The following SCAF8 variants were observed in gnomAD, a reference collection of about 807,000 sequenced individuals.
The protein encoded by SCAF8 is SR-related CTD associated factor 8, also known as SR-related and CTD-associated factor 8.
A neutral mutation model predicts 140.5 loss-of-function variants in SCAF8; 23 were observed. The ratio of observed to expected loss-of-function variants is 0.16; its 90% CI spans 0.12 to 0.23. SCAF8 has a LOEUF of 0.23. Among genes scored for constraint, SCAF8 ranks in the 10% least tolerant of loss-of-function variants. The pLI is 1.00. For synonymous variants in SCAF8, 575 were observed against 528.9 expected (o/e 1.09, Z -1.20); for missense variants, 1,397 against 1,555.7 (o/e 0.90, Z 1.72).
chr6:154,788,043 T>G (rs576103461), intron 4 of SCAF8, 21 bp downstream of exon 4: 203 of 1,579,472 alleles, frequency 1.3e-4, no homozygotes, highest in Admixed American at 2.6e-4. Context: ...GGTTTTTTTT[T>G]TTTGTTTTTT....
intron 2 of SCAF8, among the ~76,000 whole-genome samples, chr6:154,777,776 C>A (rs1196793249): frequency 6.6e-6 from 1 of 152,164 alleles, no homozygotes; most frequent in African/African-American, 2.4e-5. Context: ...AGGTAATGCA[C>A]TTTGGACATG....
In SCAF8 at chr6:154,733,427, C is replaced by A. The variant is rs1200292696; in HGVS notation, c.-474C>A. On this transcript the variant is annotated 5_prime_UTR_variant, in exon 1 of 20. Coordinates refer to ENST00000367178, the MANE Select transcript of SCAF8 (RefSeq NM_014892.5). ...GACTCGAGTCCGCCATATTGGATGC[C>A]GCAGCCGCTGCTGCCAGCGCTTCCT... 3 of 1,403,034 alleles carry A rather than the reference C, an allele frequency of 2.1e-6. No homozygotes were observed. Among genetic ancestry groups the A allele is most frequent in the Non-Finnish European group, 1.9e-6 (2 of 1,078,584 alleles). The allele number at this position is 1,403,034 out of a possible 1,614,324, so 86.9% of individuals were successfully genotyped here.
chr6:154,798,497 C>T (rs900656695), intron 6 of SCAF8, among the ~76,000 whole-genome samples: 5 of 151,350 alleles, frequency 3.3e-5, no homozygotes, highest in African/African-American at 1.2e-4. Flanking sequence ...TAAGAGTCAT[C>T]CTTGATTCCT....
chr6:154,793,063 G>A lies in SCAF8; in HGVS notation c.475+87G>A, dbSNP rs143307490. 1,389 of 1,090,366 alleles carry A rather than the reference G, an allele frequency of 1.3e-3. 17 individuals carry two copies. In the African/African-American group the frequency reaches 0.02, roughly 15 times the overall value. The allele number at this position is 1,090,366 out of a possible 1,614,324, so 67.5% of individuals were successfully genotyped here. On this transcript the variant is annotated intron_variant, in intron 5 of 19. Transcript: ENST00000367178. ...TTCATATAAAAAATAATTCGACAGT[G>A]CAGGAAAATTTGTCCAGCATTACAT...
intron 3 of SCAF8, among the ~76,000 whole-genome samples, chr6:154,779,181 C>T (rs1292415734): frequency 4.6e-5 from 7 of 152,078 alleles, no homozygotes; most frequent in Non-Finnish European, 4.4e-5. Flanking sequence ...TACAGACATG[C>T]GCCACCACGC....
intron 1 of SCAF8, among the ~76,000 whole-genome samples, chr6:154,752,137 TAGA>T (rs1299966625): frequency 2.0e-5 from 3 of 152,202 alleles, no homozygotes; most frequent in Non-Finnish European, 2.9e-5. Flanking sequence ...AACTATTGTT[TAGA>T]AGGTTCCTAG....
chr6:154,751,231 AT>A (rs879266123), intron 1 of SCAF8, among the ~76,000 whole-genome samples: 529 of 142,754 alleles, frequency 3.7e-3, no homozygotes, highest in African/African-American at 7.4e-3. Context: ...TAAAAACCAC[AT>A]TTTTTTTTTT....
intron 8 of SCAF8, among the ~76,000 whole-genome samples, chr6:154,804,862 C>T (rs1777868261): frequency 6.6e-6 from 1 of 152,056 alleles, no homozygotes; most frequent in South Asian, 2.1e-4. Context: ...CTTATTTAAA[C>T]AGTATCTGTC....
intron 15 of SCAF8, among the ~76,000 whole-genome samples, 157 bp downstream of exon 15, chr6:154,820,490 G>T (rs375737875): frequency 6.6e-6 from 1 of 152,120 alleles, no homozygotes; most frequent in African/African-American, 2.4e-5. Context: ...CATGCTTAAT[G>T]GGACCTATTT....
intron 14 of SCAF8, among the ~76,000 whole-genome samples, chr6:154,819,098 T>G (rs1370103080): frequency 6.6e-6 from 1 of 152,210 alleles, no homozygotes; most frequent in Non-Finnish European, 1.5e-5. Context: ...TTTAATATCT[T>G]TCCATTACTT....
At chr6:154,752,104 ACT>A (rs1778852161) in intron 1 of SCAF8, among the ~76,000 whole-genome samples, 1 of 152,164 alleles carries the variant, frequency 6.6e-6, no homozygotes, top group Admixed American at 6.5e-5. Context: ...CTACTTTGTG[ACT>A]ACTACATTTA....
intron 10 of SCAF8, 139 bp from the exon 11 acceptor site, chr6:154,808,547 C>T: frequency 1.6e-6 from 1 of 609,466 alleles, no homozygotes; most frequent in East Asian, 2.8e-5. Context: ...TAATGGGGCC[C>T]AGGGAAGCCA....
At position 154,744,345 on chromosome 6, in the gene SCAF8, T is replaced by C. The variant is rs1041112409; in HGVS notation, c.30+10415T>C. Among the ~76,000 whole-genome samples, 4 of 151,958 alleles carry C rather than the reference T, an allele frequency of 2.6e-5. No individual in the cohort carries two copies. The East Asian group carries it at 5.8e-4, about 22-fold the overall frequency. On this transcript the variant is annotated intron_variant, in intron 1 of 19. Coordinates refer to ENST00000367178, the MANE Select transcript of SCAF8 (RefSeq NM_014892.5). ...TTAACCACTTTATCAAAACATCTTATGTACACAAGTCTATGTACCTACTGT... is the reference window on the plus strand; with the variant it reads ...TTAACCACTTTATCAAAACATCTTACGTACACAAGTCTATGTACCTACTGT...
chr6:154,733,580 C>A lies in SCAF8; in HGVS notation c.-321C>A. ...GGGAAGGGGCTAGAGGGAGGGGGAC[C>A]GAAACGGAGCGGGGCAGAGAAGAGA... On this transcript the variant is annotated 5_prime_UTR_variant, in exon 1 of 20. Transcript: ENST00000367178. The A allele has an allele frequency of 2.3e-6, 3 of 1,279,780 alleles. No homozygotes were observed. The highest frequency in any genetic ancestry group is 3.0e-6 in the Non-Finnish European group (3 of 1,015,828). 79.3% of individuals were successfully genotyped at this position (1,279,780 alleles called of 1,614,324 possible).
intron 1 of SCAF8, among the ~76,000 whole-genome samples, chr6:154,750,365 G>A (rs1171533408): frequency 2.6e-5 from 4 of 152,178 alleles, no homozygotes; most frequent in African/African-American, 9.7e-5. Flanking sequence ...AGGGGACCGT[G>A]TAGTTGTTTA....
intron 1 of SCAF8, among the ~76,000 whole-genome samples, chr6:154,744,985 C>T (rs1778660837): frequency 6.6e-6 from 1 of 152,160 alleles, no homozygotes; most frequent in South Asian, 2.1e-4. Context: ...TTTTATTTAA[C>T]TATAGTACAA....
At chr6:154,766,391 T>G (rs1776567605) in intron 1 of SCAF8, among the ~76,000 whole-genome samples, 2 of 152,198 alleles carry the variant, frequency 1.3e-5, no homozygotes, top group Admixed American at 1.3e-4. Context: ...CACCGTTGGC[T>G]TTAATTTTAG....
intron 3 of SCAF8, among the ~76,000 whole-genome samples, chr6:154,781,904 G>T (rs1027397754): frequency 6.6e-5 from 10 of 152,250 alleles, no homozygotes; most frequent in Admixed American, 4.6e-4. Context: ...ATTGTGTGAG[G>T]GAGAAGTGTG....
intron 3 of SCAF8, among the ~76,000 whole-genome samples, chr6:154,785,286 A>C (rs149824022): frequency 2.0e-5 from 3 of 152,150 alleles, no homozygotes; most frequent in Non-Finnish European, 4.4e-5. Context: ...TCTGAACAGT[A>C]TTGCTGTGAA....
Sources: gnomAD v4.1 joint callset for allele counts (sites outside exome capture counted in the v4.1 genomes callset) on GRCh38, gnomAD v4.1.1 for gene constraint, MANE v1.5 for transcripts, NCBI Gene and HGNC (gene_info 2026-07-23, HGNC 2026-07-21) for gene names.